Variants in ZNF331 observed in about 807,000 individuals in gnomAD.
ZNF331 encodes the protein zinc finger protein 331.
A neutral mutation model predicts 7.0 loss-of-function variants in ZNF331; 2 were observed. The observed-to-expected ratio is 0.29, with a 90% CI of 0.12 to 0.90. The LOEUF is 0.90. ZNF331 is among the 40% of genes least tolerant of loss of function. ZNF331 has a pLI of 0.58. For synonymous variants in ZNF331, 196 were observed against 205.4 expected, an observed-to-expected ratio of 0.95 and a Z score of 0.39; for missense variants, 432 against 587.7, an observed-to-expected ratio of 0.74 and a Z score of 2.74.
the ZNF331 span, among the ~76,000 whole-genome samples, chr19:53,509,386 C>T: frequency 6.6e-6 from 1 of 152,212 alleles, no homozygotes; most frequent in Non-Finnish European, 1.5e-5. Flanking sequence ...TCCCACTGTA[C>T]TAATTTCATC....
intron 3 of ZNF331, among the ~76,000 whole-genome samples, chr19:53,567,516 A>G (rs912471328): frequency 1.3e-5 from 2 of 152,098 alleles, no homozygotes; most frequent in African/African-American, 4.8e-5. Flanking sequence ...CACCACTGCA[A>G]GCTTGGTGGG....
At chr19:53,506,663 T>G in the ZNF331 span, among the ~76,000 whole-genome samples, 1 of 152,026 alleles carries the variant, frequency 6.6e-6, no homozygotes, top group Non-Finnish European at 1.5e-5. Flanking sequence ...AGAAACAAAC[T>G]CAACAGACAG....
chr19:53,571,759 C>T lies in ZNF331; in HGVS notation c.136+29C>T, dbSNP rs778884171. ...AGTTGCACGCCTCAGATAACTTAGA[C>T]TGCCTCCTGGAATATCCGCTCTCCC... On this transcript the variant is annotated intron_variant, in intron 5 of 5. Transcript: ENST00000449416. The surrounding 1 kb of genome is among the most constrained non-coding windows in gnomAD (Gnocchi z 4.7). 1.3e-6 allele frequency: 2 copies of T among 1,583,314 alleles called. No homozygotes were observed. The highest frequency in any genetic ancestry group is 1.4e-5 in the African/African-American group (1 of 73,760).
intron 3 of ZNF331, among the ~76,000 whole-genome samples, chr19:53,562,552 T>C (rs1320592270): frequency 6.6e-6 from 1 of 151,444 alleles, no homozygotes; most frequent in Non-Finnish European, 1.5e-5. Flanking sequence ...TAGCCAAGCA[T>C]GGTGGCAAGC....
At chr19:53,546,556 C>A (rs1166490956) in intron 2 of ZNF331, among the ~76,000 whole-genome samples, 12 of 148,514 alleles carry the variant, frequency 8.1e-5, no homozygotes, top group East Asian at 2.0e-4. Flanking sequence ...AAAAAAAAAA[C>A]AACTCCCTCC....
At chr19:53,569,519 G>A (rs1439631887) in intron 4 of ZNF331, 134 bp downstream of exon 4, 2 of 1,018,026 alleles carry the variant, frequency 2.0e-6, no homozygotes, top group Admixed American at 2.1e-5. Flanking sequence ...CTATTCCAGT[G>A]AATGATAATG....
intron 2 of ZNF331, among the ~76,000 whole-genome samples, chr19:53,531,928 T>A (rs1340328114): frequency 1.3e-5 from 2 of 152,196 alleles, no homozygotes; most frequent in African/African-American, 4.8e-5. Flanking sequence ...TTCTTTTTAT[T>A]TATTTATTCG....
chr19:53,554,313 A>C (rs1327665616), intron 2 of ZNF331, among the ~76,000 whole-genome samples: 5 of 152,110 alleles, frequency 3.3e-5, no homozygotes, highest in Non-Finnish European at 7.4e-5. Context: ...GTCTGGTCGC[A>C]CATGCGGATC....
intron 3 of ZNF331, among the ~76,000 whole-genome samples, chr19:53,559,785 TATAC>T (rs1009619678): frequency 1.8e-4 from 27 of 150,598 alleles, no homozygotes; most frequent in East Asian, 5.9e-4. Flanking sequence ...TACATATATA[TATAC>T]ACACACGTAT....
At chr19:53,525,622 GA>G (rs1362170944) in intron 2 of ZNF331, among the ~76,000 whole-genome samples, 1 of 152,050 alleles carries the variant, frequency 6.6e-6, no homozygotes, top group African/African-American at 2.4e-5. Flanking sequence ...GGATACTATT[GA>G]TTTTTTAATG....
chr19:53,543,521 C>T (rs1195785608), intron 2 of ZNF331, among the ~76,000 whole-genome samples: 1 of 152,036 alleles, frequency 6.6e-6, no homozygotes, highest in East Asian at 1.9e-4. Flanking sequence ...CCTGCCTTGG[C>T]CTCCCAAAGT....
At chr19:53,506,444 G>GTC in the ZNF331 span, among the ~76,000 whole-genome samples, 1,891 of 85,908 alleles carry the variant, frequency 0.022, 28 homozygotes, top group Admixed American at 0.04. Context: ...CTCTCTCTCT[G>GTC]TCTCTCTCTC....
At chr19:53,523,967 A>G (rs1466241165) in intron 2 of ZNF331, among the ~76,000 whole-genome samples, 9 of 152,196 alleles carry the variant, frequency 5.9e-5, no homozygotes, top group East Asian at 1.9e-4. Flanking sequence ...CCTGTGTCCA[A>G]TTGATCTCAT....
At chr19:53,516,399 G>A (rs1466328908), upstream of ZNF331, among the ~76,000 whole-genome samples, 5 of 150,404 alleles carry the variant, frequency 3.3e-5, no homozygotes, top group African/African-American at 9.8e-5. Flanking sequence ...GCAGTGAGCC[G>A]AGATGGGCCA....
chr19:53,537,348 G>C (rs965101242), upstream of ZNF331: 6 of 152,290 alleles, frequency 3.9e-5, no homozygotes, highest in African/African-American at 1.4e-4. Context: ...CCGAATAGCA[G>C]CTCCGGCAGC....
At chr19:53,528,845 C>T (rs193181337) in intron 2 of ZNF331, among the ~76,000 whole-genome samples, 39 of 151,916 alleles carry the variant, frequency 2.6e-4, no homozygotes, top group African/African-American at 8.7e-4. Flanking sequence ...AGTGCAGTGG[C>T]GCAATCAGAG....
chr19:53,554,628 G>A (rs2089251251), intron 2 of ZNF331: 1 of 152,380 alleles, frequency 6.6e-6, no homozygotes, highest in Admixed American at 6.5e-5. Flanking sequence ...TGGGGGTGAT[G>A]GGGGCCGTGC....
At position 53,573,087 on chromosome 19, in the gene ZNF331, C is replaced by T. The variant is rs1196097385; in HGVS notation, c.136+1357C>T. On this transcript the variant is annotated intron_variant, in intron 5 of 5. Coordinates refer to ENST00000449416, the MANE Select transcript of ZNF331 (RefSeq NM_001079906.2). The surrounding 1 kb of genome is among the most constrained non-coding windows in gnomAD (Gnocchi z 4.2). ...TATAAAAATTAGCCGGGCATGGTGG[C>T]GCACGCCTGTGATCTCAGCTACTCC... is the stretch of plus-strand genomic sequence containing the variant. Among the ~76,000 whole-genome samples the T allele has an allele frequency of 1.3e-5, 2 of 152,032 alleles. No individual in the cohort carries two copies. The highest frequency in any genetic ancestry group is 2.4e-5 in the African/African-American group (1 of 41,384).
At position 53,573,811 on chromosome 19, in the gene ZNF331, C is replaced by T. The variant is rs943581089; in HGVS notation, c.136+2081C>T. On this transcript the variant is annotated intron_variant, in intron 5 of 5. Coordinates refer to ENST00000449416, the MANE Select transcript of ZNF331 (RefSeq NM_001079906.2). The surrounding 1 kb of genome is among the most constrained non-coding windows in gnomAD (Gnocchi z 4.2). ...CTGGTTGTTATAAATTTGATTAATA[C>T]TCAATCAAAAAAAATTTAAGGCCAG... Among the ~76,000 whole-genome samples, 1 of 152,010 alleles carries T rather than the reference C, an allele frequency of 6.6e-6. No homozygotes were observed. Among genetic ancestry groups the T allele is most frequent in the African/African-American group, 2.4e-5 (1 of 41,392 alleles).
Sources: allele counts gnomAD v4.1 joint callset (sites outside exome capture counted in the v4.1 genomes callset), GRCh38; gene constraint gnomAD v4.1.1; non-coding constraint Gnocchi (gnomAD v3.1); transcripts MANE v1.5; gene names NCBI Gene and HGNC (gene_info 2026-07-23, HGNC 2026-07-21).